Variants in ZMAT4 observed in about 807,000 individuals in gnomAD.
The protein encoded by ZMAT4 is zinc finger matrin-type protein 4.
A neutral mutation model predicts 28.7 loss-of-function variants in ZMAT4; 17 were observed. The observed-to-expected ratio is 0.59, with a 90% CI of 0.41 to 0.89. ZMAT4 has a LOEUF of 0.89. Ranked by LOEUF, ZMAT4 falls within the 40% of genes least tolerant of loss-of-function variation. The pLI, the probability that ZMAT4 is intolerant of heterozygous loss-of-function variation, is 0.00. For missense variants in ZMAT4, 240 were observed against 283.8 expected (o/e 0.85, Z 1.11); for synonymous variants, 117 against 109.2 (o/e 1.07, Z -0.44).
chr8:40,742,715 G>T (rs1202672124), intron 3 of ZMAT4, among the ~76,000 whole-genome samples: 1 of 151,224 alleles, frequency 6.6e-6, no homozygotes, highest in East Asian at 1.9e-4. Context: ...AAATTCATGT[G>T]AACAGCAACA....
chr8:40,621,546 G>A (rs1331395034), intron 5 of ZMAT4, among the ~76,000 whole-genome samples: 2 of 152,182 alleles, frequency 1.3e-5, no homozygotes, highest in Admixed American at 6.6e-5. Context: ...GTGGGAGCAG[G>A]CAAGGCTGGG....
At chr8:40,626,961 C>T (rs902024532) in intron 5 of ZMAT4, among the ~76,000 whole-genome samples, 1 of 152,184 alleles carries the variant, frequency 6.6e-6, no homozygotes, top group African/African-American at 2.4e-5. Context: ...ACATATGACT[C>T]TAAAGCTTCT....
At chr8:40,677,512 C>T (rs983225891) in intron 4 of ZMAT4, among the ~76,000 whole-genome samples, 2 of 152,134 alleles carry the variant, frequency 1.3e-5, no homozygotes, top group African/African-American at 4.8e-5. Flanking sequence ...AAAATTCAGA[C>T]ACACCATCTC....
chr8:40,872,679 G>A (rs182421298), intron 1 of ZMAT4, among the ~76,000 whole-genome samples: 2 of 152,184 alleles, frequency 1.3e-5, no homozygotes, highest in East Asian at 1.9e-4. Context: ...GATAATGCCC[G>A]AAGTAAGCTG....
intron 3 of ZMAT4, among the ~76,000 whole-genome samples, chr8:40,766,352 C>T (rs1813158809): frequency 6.6e-6 from 1 of 152,188 alleles, no homozygotes; most frequent in African/African-American, 2.4e-5. Flanking sequence ...TGATGCTTGG[C>T]AAGTCACAGT....
At chr8:40,783,397 C>A (rs1274452498) in intron 2 of ZMAT4, among the ~76,000 whole-genome samples, 1 of 152,110 alleles carries the variant, frequency 6.6e-6, no homozygotes, top group Non-Finnish European at 1.5e-5. Flanking sequence ...AGGGGCTTTA[C>A]AAAGGGGAGA....
chr8:40,701,244 A>G (rs1810131172), intron 3 of ZMAT4, among the ~76,000 whole-genome samples: 1 of 152,212 alleles, frequency 6.6e-6, no homozygotes, highest in Non-Finnish European at 1.5e-5. Flanking sequence ...ATTAAAAATA[A>G]TAGAAGAGGA....
intron 3 of ZMAT4, among the ~76,000 whole-genome samples, chr8:40,714,529 A>G (rs1210807739): frequency 6.6e-6 from 1 of 152,182 alleles, no homozygotes; most frequent in Admixed American, 6.5e-5. Context: ...TGTTGAGCTC[A>G]TTCATTTGAC....
At chr8:40,847,214 C>CA (rs372935416) in intron 1 of ZMAT4, among the ~76,000 whole-genome samples, 3,683 of 99,576 alleles carry the variant, frequency 0.037, 98 homozygotes, top group Non-Finnish European at 0.05. Flanking sequence ...AAAAAACAAA[C>CA]AAACAAAAAA....
At chr8:40,873,249 G>A (rs1032304707) in intron 1 of ZMAT4, among the ~76,000 whole-genome samples, 1 of 152,190 alleles carries the variant, frequency 6.6e-6, no homozygotes, top group African/African-American at 2.4e-5. Context: ...TAATGCTAAT[G>A]TTGCTTCCTA....
At chr8:40,693,704 C>G (rs888370871) in intron 4 of ZMAT4, among the ~76,000 whole-genome samples, 1 of 152,226 alleles carries the variant, frequency 6.6e-6, no homozygotes, top group Admixed American at 6.5e-5. Context: ...AAAGCAGCCA[C>G]AGACAATATG....
chr8:40,700,409 TTC>T lies in ZMAT4; in HGVS notation c.193-3010_193-3009del, dbSNP rs1303671056. Among the ~76,000 whole-genome samples, 170 of 117,374 alleles carry T rather than the reference TTC, an allele frequency of 1.4e-3. 50 individuals carry two copies. In the East Asian group the frequency reaches 0.02, roughly 14 times the overall value. The allele number at this position is 117,374 out of a possible 152,430, so 77.0% of individuals were successfully genotyped here. On this transcript the variant is annotated intron_variant, in intron 3 of 6. Transcript: ENST00000297737. ...CTTCCTTGAGGGGAAGCTGCTGCTTTTCTTTTTTTTTTTTTTTTTTTTTTTGG... is the reference window on the plus strand; with the variant it reads ...CTTCCTTGAGGGGAAGCTGCTGCTTTTTTTTTTTTTTTTTTTTTTTTTTGG...
At chr8:40,785,692 C>A (rs1034518920) in intron 2 of ZMAT4, among the ~76,000 whole-genome samples, 1 of 152,182 alleles carries the variant, frequency 6.6e-6, no homozygotes, top group Non-Finnish European at 1.5e-5. Context: ...TAGTCCAAAA[C>A]TACTGACAAG....
chr8:40,667,099 T>C (rs1808447332), intron 5 of ZMAT4, among the ~76,000 whole-genome samples: 1 of 152,058 alleles, frequency 6.6e-6, no homozygotes, highest in Non-Finnish European at 1.5e-5. Flanking sequence ...CATAGCTGCA[T>C]AAAGTTAAGG....
At chr8:40,668,880 T>TG (rs1052142896) in intron 5 of ZMAT4, among the ~76,000 whole-genome samples, 6 of 25,284 alleles carry the variant, frequency 2.4e-4, no homozygotes, top group African/African-American at 5.1e-4. Context: ...TTTTAAAGTG[T>TG]TTTTTTTTTT....
intron 5 of ZMAT4, among the ~76,000 whole-genome samples, chr8:40,615,638 T>C (rs1367450069): frequency 2.0e-5 from 3 of 152,204 alleles, no homozygotes; most frequent in Admixed American, 1.3e-4. Context: ...TTTACTCTTT[T>C]TTTCTCTAAA....
intron 5 of ZMAT4, among the ~76,000 whole-genome samples, chr8:40,625,531 G>A (rs2118705550): frequency 6.6e-6 from 1 of 152,130 alleles, no homozygotes; most frequent in South Asian, 2.1e-4. Flanking sequence ...AGAGAATACT[G>A]GGTTTATAGA....
intron 6 of ZMAT4, among the ~76,000 whole-genome samples, chr8:40,565,049 T>C (rs1454993257): frequency 1.3e-5 from 2 of 152,174 alleles, no homozygotes; most frequent in African/African-American, 4.8e-5. Flanking sequence ...GCAAGTGTTA[T>C]TAGGGAGAAA....
chr8:40,531,660 G>T lies in ZMAT4; in HGVS notation c.*563C>A, dbSNP rs948760867. On this transcript the variant is annotated 3_prime_UTR_variant, in exon 7 of 7. Transcript: ENST00000297737. The stretch of plus-strand genomic sequence containing the variant: ...TTTATTTACTCCCTTCGTCTTCATT[G>T]TTCAGATGGTAAACCTGGCTCCTGT... 2 of 152,612 alleles carry T rather than the reference G, an allele frequency of 1.3e-5. No homozygotes were observed. The highest frequency in any genetic ancestry group is 1.5e-5 in the Non-Finnish European group (1 of 68,060). 9.5% of individuals were successfully genotyped at this position (152,612 alleles called of 1,614,324 possible). A position where few individuals can be genotyped will look rare whatever the true frequency, so the allele number is the denominator to read the frequency against.
Sources: gnomAD v4.1 joint callset for allele counts (sites outside exome capture counted in the v4.1 genomes callset) on GRCh38, gnomAD v4.1.1 for gene constraint, MANE v1.5 for transcripts, NCBI Gene and HGNC (gene_info 2026-07-23, HGNC 2026-07-21) for gene names.